The following FLT3 variants were observed in gnomAD, a reference collection of about 807,000 sequenced individuals.
FLT3 encodes fms related receptor tyrosine kinase 3.
In FLT3, 46 loss-of-function variants were observed where a neutral mutation model predicts 126.6. The ratio of observed to expected loss-of-function variants is 0.36; its 90% CI spans 0.29 to 0.46. The LOEUF (loss-of-function observed/expected upper bound fraction) is 0.46, where lower values mean the gene tolerates loss of function less well. FLT3 is among the 20% of genes least tolerant of loss of function. The pLI, the probability that FLT3 is intolerant of heterozygous loss-of-function variation, is 1.00. For synonymous variants in FLT3, 404 were observed against 434.4 expected (o/e 0.93, Z 0.87); for missense variants, 1,069 against 1,190.3 (o/e 0.90, Z 1.50).
intron 17 of FLT3, chr13:28,025,163 T>A (rs1301382294): frequency 1.1e-5 from 6 of 549,878 alleles, no homozygotes; most frequent in Non-Finnish European, 1.9e-5. Flanking sequence ...CCATATAGAA[T>A]CTTACAGTTC....
chr13:28,078,059 T>C (rs978549969), intron 1 of FLT3, among the ~76,000 whole-genome samples: 5 of 152,232 alleles, frequency 3.3e-5, no homozygotes, highest in African/African-American at 1.2e-4. Flanking sequence ...GCCTCCCTCC[T>C]GGCTGCTTTC....
At position 28,049,469 on chromosome 13, in the gene FLT3, T is replaced by C. The variant is rs1052458457; in HGVS notation, c.951A>G (p.Val317=). ...CGGTGTCGTTTCTTGCCACTGATGA[T>C]ACAAAAGCAAACAGAATCCGTATCA... ...RTMIRILFAF[V]SSVARNDTGY... is the part of the protein sequence containing the mutation. The change falls in exon 8 of 24, where the codon GTA becomes GTG. Residue 317 remains valine, a synonymous_variant. Transcript: ENST00000241453. 1.2e-6 allele frequency: 2 copies of C among 1,613,942 alleles called. No individual in the cohort carries two copies. Among genetic ancestry groups the C allele is most frequent in the South Asian group, 1.1e-5 (1 of 91,080 alleles).
chr13:28,035,778 T>A (rs1418040809), intron 11 of FLT3, 105 bp from the exon 12 acceptor site: 1 of 1,283,524 alleles, frequency 7.8e-7, no homozygotes, highest in African/African-American at 1.5e-5. Flanking sequence ...GTATAAGTTA[T>A]CAGAAACAGT....
chr13:28,023,549 G>T lies in FLT3; in HGVS notation c.2291-72C>A. The T allele has an allele frequency of 1.9e-6, 3 of 1,550,782 alleles. No homozygotes were observed. The South Asian group carries it at 3.4e-5, about 18-fold the overall frequency. On this transcript the variant is annotated intron_variant, in intron 18 of 23. Coordinates refer to ENST00000241453, the MANE Select transcript of FLT3 (RefSeq NM_004119.3). The stretch of plus-strand genomic sequence containing the variant: ...TGCCTTATTAAATCTCTATGGGAAG[G>T]TTATTCAAGCCAGAGTTAGGTGAGG...
At position 28,004,049 on chromosome 13, in the gene FLT3, C is replaced by A. The variant is rs754285520; in HGVS notation, c.*3G>T. On this transcript the variant is annotated 3_prime_UTR_variant, in exon 24 of 24. Transcript: ENST00000241453. ...ATGAAGTCCTTAAAACTAAATTGTT[C>A]CTCTACGAATCTTCGACCTGAGCCT... The A allele has an allele frequency of 6.2e-6, 10 of 1,613,950 alleles. No homozygotes were observed. Among genetic ancestry groups the A allele is most frequent in the East Asian group, 2.2e-5 (1 of 44,900 alleles).
In FLT3 at chr13:28,045,934, C is replaced by CAAAAAA. The variant is rs57916548; in HGVS notation, c.1205+2335_1205+2340dup. Among the ~76,000 whole-genome samples the CAAAAAA allele has an allele frequency of 4.1e-5, 5 of 122,776 alleles. 1 individual carries two copies. The highest frequency in any genetic ancestry group is 8.7e-5 in the Admixed American group (1 of 11,498). 80.5% of individuals were successfully genotyped at this position (122,776 alleles called of 152,430 possible). ...TTGATGCCTCTAAGGCAATGGTTCT[C>CAAAAAA]AAAAAAAAAAAAAAAAAAAATGCCA... On this transcript the variant is annotated intron_variant, in intron 9 of 23. Transcript: ENST00000241453.
intron 2 of FLT3, chr13:28,067,604 TA>T (rs560221145): frequency 4.0e-5 from 6 of 151,846 alleles, no homozygotes; most frequent in South Asian, 2.1e-4. Flanking sequence ...ATCACAATGT[TA>T]AAAAAAAATA....
intron 17 of FLT3, among the ~76,000 whole-genome samples, chr13:28,026,232 C>G (rs1207872241): frequency 6.6e-6 from 1 of 151,468 alleles, no homozygotes; most frequent in Non-Finnish European, 1.5e-5. Flanking sequence ...TGCCTGTAAT[C>G]TCAGCTACTC....
intron 23 of FLT3, among the ~76,000 whole-genome samples, chr13:28,005,532 T>C (rs1270366565): frequency 6.6e-6 from 1 of 151,414 alleles, no homozygotes; most frequent in Admixed American, 6.6e-5. Flanking sequence ...TGGCCACATA[T>C]TTTTTTTTCA....
chr13:28,084,806 T>C (rs1878546513), intron 1 of FLT3, among the ~76,000 whole-genome samples: 1 of 151,928 alleles, frequency 6.6e-6, no homozygotes, highest in Non-Finnish European at 1.5e-5. Flanking sequence ...AAACCCCGTC[T>C]ATACTAAAAA....
At chr13:28,067,891 G>C (rs1877172125) in intron 2 of FLT3, 2 of 398,814 alleles carry the variant, frequency 5.0e-6, no homozygotes, top group Admixed American at 5.7e-5. Flanking sequence ...GGCAAATAAA[G>C]AAAATAAGCT....
chr13:28,014,362 G>T, intron 23 of FLT3, 90 bp downstream of exon 23: 3 of 912,932 alleles, frequency 3.3e-6, no homozygotes, highest in Non-Finnish European at 5.3e-6. Context: ...ATGACAACTT[G>T]GTACCTTTGG....
At chr13:28,090,526 C>T (rs935468877) in intron 1 of FLT3, among the ~76,000 whole-genome samples, 5 of 152,066 alleles carry the variant, frequency 3.3e-5, no homozygotes, top group African/African-American at 9.7e-5. Flanking sequence ...ACTTATAATC[C>T]CAGTACTTTG....
rs1870636811 is a variant in FLT3, at chr13:28,003,744, G to A, written c.*308C>T. The A allele has an allele frequency of 6.5e-6, 2 of 305,942 alleles. No individual in the cohort carries two copies. Among genetic ancestry groups the A allele is most frequent in the South Asian group, 2.2e-4 (2 of 9,116 alleles). 19.0% of individuals were successfully genotyped at this position (305,942 alleles called of 1,614,324 possible). On this transcript the variant is annotated 3_prime_UTR_variant, in exon 24 of 24. Transcript: ENST00000241453. ...CCTTAGCAAAATGCTTTTGTTTTATGTATTTACAAGAATATACTGTACTTC... is the reference window on the plus strand; with the variant it reads ...CCTTAGCAAAATGCTTTTGTTTTATATATTTACAAGAATATACTGTACTTC...
At chr13:28,056,087 C>T (rs1482466361) in intron 4 of FLT3, among the ~76,000 whole-genome samples, 2 of 152,158 alleles carry the variant, frequency 1.3e-5, no homozygotes, top group African/African-American at 4.8e-5. Flanking sequence ...CACCCCCAAC[C>T]CCAGTAAGAT....
chr13:28,015,560 C>T, intron 21 of FLT3, 30 bp downstream of exon 21: 2 of 1,364,950 alleles, frequency 1.5e-6, no homozygotes, highest in Non-Finnish European at 2.1e-6. Context: ...AAGCCAGGAG[C>T]CAAGGGAGGC....
At chr13:28,016,889 A>T (rs1871910746) in intron 20 of FLT3, among the ~76,000 whole-genome samples, 1 of 152,164 alleles carries the variant, frequency 6.6e-6, no homozygotes, top group Non-Finnish European at 1.5e-5. Context: ...GTTTAATTTG[A>T]CTTTTCACAT....
At chr13:28,015,384 G>T in intron 21 of FLT3, 128 bp from the exon 22 acceptor site, 3 of 775,828 alleles carry the variant, frequency 3.9e-6, no homozygotes, top group Non-Finnish European at 6.6e-6. Context: ...GGCTGCGGCT[G>T]GGAAAAAGAA....
chr13:28,036,145 C>T (rs1479690720), intron 10 of FLT3, 102 bp from the exon 11 acceptor site: 1 of 932,756 alleles, frequency 1.1e-6, no homozygotes, highest in Admixed American at 1.8e-5. Context: ...ATCACTTGGG[C>T]CAAGGAGTTC....
Sources: allele counts gnomAD v4.1 joint callset (sites outside exome capture counted in the v4.1 genomes callset), GRCh38; gene constraint gnomAD v4.1.1; transcripts MANE v1.5; gene names NCBI Gene and HGNC (gene_info 2026-07-23, HGNC 2026-07-21).